Variants in RIPK1 observed in about 807,000 individuals in gnomAD.
RIPK1 encodes the protein receptor interacting serine/threonine kinase 1.
RIPK1 carries 27 observed loss-of-function variants against 62.4 expected under a neutral mutation model. The observed-to-expected ratio is 0.43, with a 90% confidence interval of 0.32 to 0.60. RIPK1 has a LOEUF of 0.60. Among genes scored for constraint, RIPK1 ranks in the 20% least tolerant of loss-of-function variants. RIPK1 has a pLI of 0.07. For missense variants in RIPK1, 735 were observed against 831.0 expected (o/e 0.88, Z 1.42); for synonymous variants, 287 against 303.2 (o/e 0.95, Z 0.55).
At chr6:3,067,697 C>T (rs1213337298), upstream of RIPK1, among the ~76,000 whole-genome samples, 1 of 150,318 alleles carries the variant, frequency 6.7e-6, no homozygotes, top group South Asian at 2.1e-4. Flanking sequence ...GTGGCTAGTT[C>T]TCTTGACATA....
chr6:3,090,826 A>G (rs12110719), intron 7 of RIPK1, among the ~76,000 whole-genome samples: 8,231 of 71,148 alleles, frequency 0.12, 793 homozygotes, highest in African/African-American at 0.39. Flanking sequence ...ACCGCAGCGC[A>G]CCTACCTGCC....
chr6:3,067,424 T>G (rs1758429547), upstream of RIPK1, among the ~76,000 whole-genome samples: 1 of 152,210 alleles, frequency 6.6e-6, no homozygotes, highest in Non-Finnish European at 1.5e-5. Flanking sequence ...GTGTTCTGAA[T>G]TTTAGCCATT....
At chr6:3,106,083 CT>C in intron 9 of RIPK1, 32 bp downstream of exon 9, 1 of 1,467,828 alleles carries the variant, frequency 6.8e-7, no homozygotes. Context: ...ACAAGCTTGT[CT>C]TTTTTTATTT....
chr6:3,094,706 C>T (rs536632112), intron 7 of RIPK1, among the ~76,000 whole-genome samples: 5 of 151,376 alleles, frequency 3.3e-5, no homozygotes, highest in African/African-American at 4.9e-5. Context: ...AAATTAATGC[C>T]GCAGAAAGTA....
upstream of RIPK1, among the ~76,000 whole-genome samples, chr6:3,064,415 C>G (rs1325759609): frequency 1.3e-5 from 2 of 152,232 alleles, no homozygotes; most frequent in East Asian, 1.9e-4. Flanking sequence ...TGTCCTGGTT[C>G]TTCTTCTGTC....
chr6:3,097,967 GGGAGGATCGCTTGA>G (rs1198244459), intron 7 of RIPK1, among the ~76,000 whole-genome samples: 1 of 152,220 alleles, frequency 6.6e-6, no homozygotes, highest in Non-Finnish European at 1.5e-5. Flanking sequence ...AGGCTGAGGT[GGGAGGATCGCTTGA>G]GGCCAGGAGT....
At chr6:3,095,989 C>T (rs1760271874) in intron 7 of RIPK1, among the ~76,000 whole-genome samples, 1 of 152,138 alleles carries the variant, frequency 6.6e-6, no homozygotes, top group Non-Finnish European at 1.5e-5. Context: ...CAGGCATGCA[C>T]CACCATGCCT....
chr6:3,076,380 C>T (rs1329935946), intron 1 of RIPK1, among the ~76,000 whole-genome samples: 1 of 152,048 alleles, frequency 6.6e-6, no homozygotes, highest in Non-Finnish European at 1.5e-5. Context: ...TAAAAATGAT[C>T]TTTTCTGCCA....
rs765117664 is a variant in RIPK1, at chr6:3,113,131, G to A, written c.1808G>A (p.Arg603His). The A allele has an allele frequency of 2.4e-5, 39 of 1,609,576 alleles. No individual in the cohort carries two copies. The highest frequency in any genetic ancestry group is 3.2e-5 in the Non-Finnish European group (38 of 1,176,534). ...NLGKHWKNCA[R>H]KLGFTQSQID... ...GGAAAGCACTGGAAAAACTGTGCCC[G>A]TAAACTGGGCTTCACACAGTCTCAG... is the stretch of plus-strand genomic sequence containing the variant. Residue 603 changes from arginine to histidine, a missense_variant, in exon 11 of 11, where the codon CGT becomes CAT. Physicochemically the swap from Arg to His is conservative, Grantham distance 29 (BLOSUM62 0). Around this residue, in one of 2 missense-constraint regions of RIPK1, gnomAD observed 64 missense variants for 104.8 expected, o/e 0.61. Coordinates refer to ENST00000259808, the MANE Select transcript of RIPK1 (RefSeq NM_001354930.2). This position sits in a 1 kb window ranked among gnomAD's most constrained non-coding sequence, Gnocchi z 5.0.
At position 3,089,576 on chromosome 6, in the gene RIPK1, T is replaced by A; in HGVS notation, c.839-5T>A. On this transcript the variant is annotated splice_polypyrimidine_tract_variant and splice_region_variant and intron_variant, in intron 6 of 10. Transcript: ENST00000259808. ...AGAAATTTAAAGTACATTTTACTTT[T>A]ACAGGCATTGAAGAAAAATTTAGGC... 7.6e-7 allele frequency: 1 copy of A among 1,319,736 alleles called. No individual in the cohort carries two copies. The highest frequency in any genetic ancestry group is 1.2e-5 in the South Asian group (1 of 81,194). 81.8% of individuals were successfully genotyped at this position (1,319,736 alleles called of 1,614,324 possible). A position where few individuals can be genotyped will look rare whatever the true frequency, so the allele number is the denominator to read the frequency against.
In RIPK1 at chr6:3,110,873, T is replaced by C. The variant is rs1205619578; in HGVS notation, c.1647T>C (p.Ile549=). The change falls in exon 10 of 11, where the codon ATT becomes ATC. Residue 549 remains isoleucine, a synonymous_variant. Transcript: ENST00000259808. ...IQIGAYNYME[I]GGTSSSLLDS... ...TTGGAGCCTACAATTATATGGAGAT[T>C]GGTGGGACGAGTTCATCACTACTAG... 1 of 1,607,616 alleles carries C rather than the reference T, an allele frequency of 6.2e-7. No individual in the cohort carries two copies. The highest frequency in any genetic ancestry group is 8.5e-7 in the Non-Finnish European group (1 of 1,174,208).
At position 3,105,435 on chromosome 6, in the gene RIPK1, T is replaced by C. The variant is rs201566420; in HGVS notation, c.1007-47T>C. 3.5e-4 allele frequency: 487 copies of C among 1,401,608 alleles called. 1 individual carries two copies. The African/African-American group carries it at 6.5e-3, about 19-fold the overall frequency. The allele number at this position is 1,401,608 out of a possible 1,614,324, so 86.8% of individuals were successfully genotyped here. A position where few individuals can be genotyped will look rare whatever the true frequency, so the allele number is the denominator to read the frequency against. ...ACGGCGCTCAGATTTTATTTTACTT[T>C]TTAATGTTTCATGACACCCATTCTA... On this transcript the variant is annotated intron_variant, in intron 8 of 10. Coordinates refer to ENST00000259808, the MANE Select transcript of RIPK1 (RefSeq NM_001354930.2). This position sits in a 1 kb window ranked among gnomAD's most constrained non-coding sequence, Gnocchi z 4.5.
In RIPK1 at chr6:3,081,026, T is replaced by G; in HGVS notation, c.369T>G (p.Ile123Met). 6.2e-7 allele frequency: 1 copy of G among 1,614,080 alleles called. No individual in the cohort carries two copies. Among genetic ancestry groups the G allele is most frequent in the Non-Finnish European group, 8.5e-7 (1 of 1,179,940 alleles). The change falls in exon 4 of 11, where the codon ATT (isoleucine) becomes ATG (methionine). Residue 123 changes from isoleucine to methionine, a missense_variant. This residue lies in a region of RIPK1 where 671 missense variants were observed against 726.2 expected (regional missense o/e 0.92). Transcript: ENST00000259808. ...SVKGRIILEI[I>M]EGMCYLHGKG... ...AAGGAAGGATAATTTTGGAAATCAT[T>G]GAAGGAATGTGCTACTTACATGGAA...
At chr6:3,066,984 A>G (rs1758406306), upstream of RIPK1, among the ~76,000 whole-genome samples, 1 of 148,676 alleles carries the variant, frequency 6.7e-6, no homozygotes, top group African/African-American at 2.5e-5. Flanking sequence ...AGTTGGAATC[A>G]TGCATTATGT....
intron 1 of RIPK1, among the ~76,000 whole-genome samples, chr6:3,074,227 T>C (rs1758932325): frequency 6.6e-6 from 1 of 152,198 alleles, no homozygotes; most frequent in Admixed American, 6.5e-5. Context: ...AGGCGGCCAG[T>C]GTTCTTTTTC....
Position 3,076,969 on chromosome 6 carries a change from A to G in RIPK1, c.146A>G (p.Lys49Arg). 2 of 1,504,552 alleles carry G rather than the reference A, an allele frequency of 1.3e-6. No individual in the cohort carries two copies. The highest frequency in any genetic ancestry group is 9.0e-7 in the Non-Finnish European group (1 of 1,108,910). The allele number at this position is 1,504,552 out of a possible 1,614,324, so 93.2% of individuals were successfully genotyped here. A position where few individuals can be genotyped will look rare whatever the true frequency, so the allele number is the denominator to read the frequency against. ...CTCATGATCATGAAAACAGTGTACAAGGGGCCCAACTGCATTGAGTGAGTA... is the reference window on the plus strand; with the variant it reads ...CTCATGATCATGAAAACAGTGTACAGGGGGCCCAACTGCATTGAGTGAGTA... ...QGLMIMKTVY[K>R]GPNCIEHNEA... The change falls in exon 2 of 11, where the codon AAG becomes AGG. Residue 49 changes from lysine (K) to arginine (R), a missense_variant. By Grantham distance (26) the Lys-to-Arg change is conservative (BLOSUM62 2). Coordinates refer to ENST00000259808, the MANE Select transcript of RIPK1 (RefSeq NM_001354930.2).
rs549962561 is a variant in RIPK1 at position 3,104,724 on chromosome 6, C to T, written c.1006+409C>T. The stretch of plus-strand genomic sequence containing the variant: ...ATGGCAGAGTATAGGATACTGAAGC[C>T]GCTTAGCTACCTGATCTGTGGCTAA... On this transcript the variant is annotated intron_variant, in intron 8 of 10. Transcript: ENST00000259808. Among the ~76,000 whole-genome samples, 373 of 152,172 alleles carry T rather than the reference C, an allele frequency of 2.5e-3. 1 individual carries two copies. Among genetic ancestry groups the T allele is most frequent in the African/African-American group, 8.7e-3 (363 of 41,502 alleles).
In RIPK1 at chr6:3,113,355, G is replaced by C; in HGVS notation, c.*16G>C. ...CCAGAACTAACCCTGGATGGGCTAC[G>C]GCAGCTGAAGTGGACGCCTCACTTA... is the stretch of plus-strand genomic sequence containing the variant. On this transcript the variant is annotated 3_prime_UTR_variant, in exon 11 of 11. Transcript: ENST00000259808. The surrounding 1 kb of genome is among the most constrained non-coding windows in gnomAD (Gnocchi z 5.0). The C allele has an allele frequency of 6.2e-7, 1 of 1,605,972 alleles. No homozygotes were observed. Among genetic ancestry groups the C allele is most frequent in the South Asian group, 1.1e-5 (1 of 90,704 alleles).
rs117846564 is a variant in RIPK1, at chr6:3,107,997, T to C, written c.1576+1946T>C. Among the ~76,000 whole-genome samples the C allele has an allele frequency of 3.9e-4, 59 of 151,734 alleles. No individual in the cohort carries two copies. The East Asian group carries it at 9.4e-3, about 24-fold the overall frequency. On this transcript the variant is annotated intron_variant, in intron 9 of 10. Transcript: ENST00000259808. ...ACACGCTGAGTTTCTCCTTGCAAAT[T>C]TAAATAAGTCTTCTGCTTGCTTTTA...
Sources: gnomAD v4.1 joint callset for allele counts (sites outside exome capture counted in the v4.1 genomes callset) on GRCh38, gnomAD v4.1.1 for gene constraint, gnomAD v4.1.1 regional missense constraint, Gnocchi (gnomAD v3.1) non-coding constraint, MANE v1.5 for transcripts, NCBI Gene and HGNC (gene_info 2026-07-23, HGNC 2026-07-21) for gene names.